The following RHOBTB1 variants were observed in gnomAD, a reference collection of about 807,000 sequenced individuals.
The protein encoded by RHOBTB1 is rho-related BTB domain-containing protein 1.
A neutral mutation model predicts 71.6 loss-of-function variants in RHOBTB1; 40 were observed. The observed-to-expected ratio is 0.56, with a 90% CI of 0.43 to 0.73. The LOEUF (loss-of-function observed/expected upper bound fraction) is 0.73. Ranked by LOEUF, RHOBTB1 falls within the 30% of genes least tolerant of loss-of-function variation. The pLI, the probability that RHOBTB1 is intolerant of heterozygous loss-of-function variation, is 0.00. For synonymous variants in RHOBTB1, 319 were observed against 334.9 expected (o/e 0.95, Z 0.52); for missense variants, 797 against 894.0 (o/e 0.89, Z 1.38).
chr10:60,996,712 T>A (rs1202213903), intron 1 of RHOBTB1, among the ~76,000 whole-genome samples: 2 of 152,198 alleles, frequency 1.3e-5, no homozygotes, highest in Admixed American at 1.3e-4. Context: ...CTAATGACAC[T>A]GAACACTAAT....
intron 4 of RHOBTB1, among the ~76,000 whole-genome samples, chr10:60,905,442 T>C (rs945280026): frequency 9.2e-6 from 1 of 109,054 alleles, no homozygotes; most frequent in Admixed American, 1.0e-4. Context: ...AGTGAGAGAC[T>C]CTTTCTCAAA....
chr10:60,976,569 G>GC (rs1182251491), intron 2 of RHOBTB1, among the ~76,000 whole-genome samples: 3 of 151,792 alleles, frequency 2.0e-5, no homozygotes, highest in Admixed American at 6.6e-5. Flanking sequence ...CTGTAGTAAT[G>GC]CCCCTTGTTT....
chr10:60,887,075 T>TAAA (rs76965186), intron 6 of RHOBTB1, among the ~76,000 whole-genome samples: 1 of 143,196 alleles, frequency 7.0e-6, no homozygotes. Flanking sequence ...TTCATAGCTT[T>TAAA]AAAAAAAAAA....
intron 5 of RHOBTB1, among the ~76,000 whole-genome samples, chr10:60,891,862 G>C (rs1288885457): frequency 6.6e-6 from 1 of 152,182 alleles, no homozygotes; most frequent in Non-Finnish European, 1.5e-5. Flanking sequence ...TGTGTCACGG[G>C]AGGGACCTGG....
At chr10:60,974,362 C>T (rs1458956101) in intron 2 of RHOBTB1, among the ~76,000 whole-genome samples, 2 of 152,016 alleles carry the variant, frequency 1.3e-5, no homozygotes, top group Non-Finnish European at 2.9e-5. Flanking sequence ...AACTATCAAA[C>T]TGCTTGATAA....
intron 1 of RHOBTB1, among the ~76,000 whole-genome samples, chr10:60,995,606 T>C (rs1251961574): frequency 6.6e-6 from 1 of 152,164 alleles, no homozygotes; most frequent in Non-Finnish European, 1.5e-5. Context: ...AATTTGAAAA[T>C]GTTTATTTGG....
chr10:60,911,038 C>G (rs2082940320), intron 3 of RHOBTB1, 48 bp from the exon 4 acceptor site: 1 of 1,494,678 alleles, frequency 6.7e-7, no homozygotes, highest in Non-Finnish European at 9.3e-7. Context: ...GTCAGAAGTT[C>G]CCCAGGAGAA....
chr10:60,883,106 G>T (rs557044093), intron 7 of RHOBTB1, among the ~76,000 whole-genome samples: 1 of 152,302 alleles, frequency 6.6e-6, no homozygotes, highest in African/African-American at 2.4e-5. Flanking sequence ...GGACGGGAAG[G>T]GGCGAGAATG....
chr10:60,937,759 C>A (rs948840619), intron 2 of RHOBTB1, among the ~76,000 whole-genome samples: 17 of 152,166 alleles, frequency 1.1e-4, no homozygotes, highest in African/African-American at 3.4e-4. Flanking sequence ...TATAACCATT[C>A]CTTAAAATAT....
Position 60,894,296 on chromosome 10 carries a change from C to A in RHOBTB1, c.297-1301G>T, listed in dbSNP as rs189164440. 1.1e-3 allele frequency among the ~76,000 whole-genome samples: 170 copies of A among 152,204 alleles called. 1 individual carries two copies. The highest frequency in any genetic ancestry group is 9.7e-4 in the East Asian group (5 of 5,170). On this transcript the variant is annotated intron_variant, in intron 4 of 10. Coordinates refer to ENST00000337910, the MANE Select transcript of RHOBTB1 (RefSeq NM_014836.5). ...CTGCACCAGACCACAACAAATAGAG[C>A]AGAAAATCCTGAGATTAAAATATTT... is the stretch of plus-strand genomic sequence containing the variant.
intron 2 of RHOBTB1, among the ~76,000 whole-genome samples, chr10:60,926,532 A>G (rs887927860): frequency 6.6e-6 from 1 of 152,246 alleles, no homozygotes; most frequent in Non-Finnish European, 1.5e-5. Flanking sequence ...ATTATTCATC[A>G]TGATCAAGTG....
At chr10:60,926,191 C>A (rs1015727586) in intron 2 of RHOBTB1, among the ~76,000 whole-genome samples, 1 of 152,070 alleles carries the variant, frequency 6.6e-6, no homozygotes, top group Non-Finnish European at 1.5e-5. Flanking sequence ...AAGCTGAGAT[C>A]GCACAACTGC....
chr10:60,869,414 G>T (rs1354251121), downstream of RHOBTB1: 1 of 152,540 alleles, frequency 6.6e-6, no homozygotes, highest in Non-Finnish European at 1.5e-5. Flanking sequence ...TATGATGTCT[G>T]TCCTTAAAAC....
intron 10 of RHOBTB1, 126 bp from the exon 11 acceptor site, chr10:60,871,777 G>C: frequency 1.2e-6 from 1 of 846,000 alleles, no homozygotes; most frequent in South Asian, 1.8e-5. Flanking sequence ...CTGTGATTAG[G>C]GCCATTTGCA....
At chr10:60,906,671 C>T (rs1025507610) in intron 4 of RHOBTB1, among the ~76,000 whole-genome samples, 9 of 152,144 alleles carry the variant, frequency 5.9e-5, no homozygotes, top group African/African-American at 2.2e-4. Flanking sequence ...ACATGCAGCA[C>T]GTAGCACAGG....
Position 60,957,389 on chromosome 10 carries a change from G to A in RHOBTB1, c.-61-15535C>T, listed in dbSNP as rs555160936. Among the ~76,000 whole-genome samples the A allele has an allele frequency of 5.9e-5, 9 of 152,312 alleles. No individual in the cohort carries two copies. The South Asian group carries it at 1.9e-3, about 32-fold the overall frequency. On this transcript the variant is annotated intron_variant, in intron 2 of 11. Transcript: ENST00000357917. ...TGTTCAGATGGCTGTAATGTCACTAGGCAATAAGAATTTTTCAGCTCCATT... is the reference window on the plus strand; with the variant it reads ...TGTTCAGATGGCTGTAATGTCACTAAGCAATAAGAATTTTTCAGCTCCATT...
chr10:60,952,842 C>A (rs1291918489), intron 2 of RHOBTB1, among the ~76,000 whole-genome samples: 1 of 151,998 alleles, frequency 6.6e-6, no homozygotes, highest in Non-Finnish European at 1.5e-5. Context: ...TATGACGTGA[C>A]AACTTCAGGA....
At chr10:60,940,153 C>A (rs755405180) in intron 2 of RHOBTB1, among the ~76,000 whole-genome samples, 4 of 152,034 alleles carry the variant, frequency 2.6e-5, no homozygotes, top group African/African-American at 7.2e-5. Flanking sequence ...TTATAATATC[C>A]CTTTAAATGC....
downstream of RHOBTB1, among the ~76,000 whole-genome samples, chr10:60,866,319 G>A (rs1175245328): frequency 6.6e-6 from 1 of 152,162 alleles, no homozygotes; most frequent in African/African-American, 2.4e-5. Flanking sequence ...TAAAATGGCT[G>A]GATTTCCAGA....
Sources: allele counts gnomAD v4.1 joint callset (sites outside exome capture counted in the v4.1 genomes callset), GRCh38; gene constraint gnomAD v4.1.1; transcripts MANE v1.5; gene names NCBI Gene and HGNC (gene_info 2026-07-23, HGNC 2026-07-21).